AGBL1: variants seen among roughly 807,000 people sequenced by gnomAD.
AGBL1 encodes AGBL carboxypeptidase 1.
Under a neutral mutation model 118.9 loss-of-function variants are expected in AGBL1, and 130 were observed. That is an observed-to-expected ratio of 1.09 (90% CI 0.95 to 1.26). The LOEUF is 1.26. AGBL1 is among the 50% of genes most tolerant of loss of function. AGBL1 has a pLI of 0.00. For synonymous variants in AGBL1, 555 were observed against 478.9 expected (o/e 1.16, Z -2.08); for missense variants, 1,584 against 1,298.1 (o/e 1.22, Z -3.38).
chr15:86,530,054 C>T (rs961520402), intron 19 of AGBL1, among the ~76,000 whole-genome samples: 21 of 127,910 alleles, frequency 1.6e-4, no homozygotes, highest in South Asian at 7.7e-4. Context: ...CATCAACTAA[C>T]GAGCAAAATC....
intron 22 of AGBL1, among the ~76,000 whole-genome samples, chr15:86,807,505 C>A (rs1309774008): frequency 6.6e-6 from 1 of 151,734 alleles, no homozygotes; most frequent in African/African-American, 2.4e-5. Flanking sequence ...TGTCATTGTT[C>A]TGTTTCTTAG....
chr15:86,633,499 T>C (rs1436248047), intron 21 of AGBL1, among the ~76,000 whole-genome samples: 2 of 152,140 alleles, frequency 1.3e-5, no homozygotes, highest in Non-Finnish European at 2.9e-5. Flanking sequence ...GCTACATATA[T>C]AGTGAACTCT....
At chr15:86,854,798 G>C (rs2079455003) in intron 22 of AGBL1, among the ~76,000 whole-genome samples, 1 of 152,110 alleles carries the variant, frequency 6.6e-6, no homozygotes, top group Non-Finnish European at 1.5e-5. Flanking sequence ...CTCCTGTATA[G>C]AAATTCTCAG....
intron 22 of AGBL1, among the ~76,000 whole-genome samples, chr15:86,796,650 A>G (rs749894918): frequency 6.6e-6 from 1 of 152,214 alleles, no homozygotes; most frequent in African/African-American, 2.4e-5. Context: ...TCAGCAAACT[A>G]TGGCACAGGA....
At chr15:86,665,901 A>T (rs1408677613) in intron 21 of AGBL1, among the ~76,000 whole-genome samples, 14 of 151,948 alleles carry the variant, frequency 9.2e-5, no homozygotes. Context: ...TTACCCCAAG[A>T]TTTTTGTGCT....
At chr15:86,784,012 G>C (rs186397670) in intron 22 of AGBL1, among the ~76,000 whole-genome samples, 1 of 152,276 alleles carries the variant, frequency 6.6e-6, no homozygotes, top group Admixed American at 6.5e-5. Flanking sequence ...TGGATTTTGA[G>C]GTCAGAGTGA....
At chr15:86,296,327 T>A (rs373345765) in intron 17 of AGBL1, 83 of 152,334 alleles carry the variant, frequency 5.4e-4, no homozygotes, top group African/African-American at 1.9e-3. Flanking sequence ...CAGCTTAATT[T>A]ATCCCCAGAA....
intron 22 of AGBL1, among the ~76,000 whole-genome samples, chr15:86,769,832 G>C (rs1372372428): frequency 6.6e-6 from 1 of 151,856 alleles, no homozygotes; most frequent in Non-Finnish European, 1.5e-5. Flanking sequence ...TCATCTCATT[G>C]CCTCCCTTTT....
chr15:86,882,904 TCTTACA>T (rs1193308595), intron 22 of AGBL1, among the ~76,000 whole-genome samples: 1 of 152,242 alleles, frequency 6.6e-6, no homozygotes, highest in Non-Finnish European at 1.5e-5. Context: ...ACTAGAATTT[TCTTACA>T]CTTACATAAG....
chr15:86,188,026 A>C (rs1392610680), intron 5 of AGBL1, among the ~76,000 whole-genome samples: 1 of 152,244 alleles, frequency 6.6e-6, no homozygotes, highest in African/African-American at 2.4e-5. Flanking sequence ...AAGATAATTT[A>C]AAGTTTTTTC....
chr15:86,776,455 G>A (rs1184812314), intron 22 of AGBL1, among the ~76,000 whole-genome samples: 1 of 151,986 alleles, frequency 6.6e-6, no homozygotes, highest in Non-Finnish European at 1.5e-5. Context: ...CTTCCACTGT[G>A]AGTCACTTAT....
At chr15:86,530,728 A>G (rs1417712259) in intron 19 of AGBL1, among the ~76,000 whole-genome samples, 2 of 149,228 alleles carry the variant, frequency 1.3e-5, no homozygotes, top group Admixed American at 1.3e-4. Flanking sequence ...TCCTCAGCAA[A>G]TGTAAAAGAA....
At chr15:86,906,291 T>G (rs1180667052) in intron 22 of AGBL1, among the ~76,000 whole-genome samples, 1 of 152,194 alleles carries the variant, frequency 6.6e-6, no homozygotes, top group Non-Finnish European at 1.5e-5. Context: ...GGGAGGAAAC[T>G]CCCCCTGCTC....
At chr15:86,576,610 C>A (rs142321116) in intron 21 of AGBL1, among the ~76,000 whole-genome samples, 105 of 152,268 alleles carry the variant, frequency 6.9e-4, no homozygotes, top group Admixed American at 5.4e-3. Context: ...TTAGGCTGCA[C>A]TTGAAATACC....
chr15:86,749,634 A>G (rs1183559285), intron 22 of AGBL1, among the ~76,000 whole-genome samples: 1 of 152,178 alleles, frequency 6.6e-6, no homozygotes, highest in African/African-American at 2.4e-5. Flanking sequence ...TCAGTTTGAT[A>G]TTGGCTGTGG....
chr15:86,344,057 A>T (rs1051156332), intron 17 of AGBL1, among the ~76,000 whole-genome samples: 20 of 152,240 alleles, frequency 1.3e-4, no homozygotes, highest in Non-Finnish European at 2.4e-4. Flanking sequence ...GCTGTGGGAC[A>T]CATTTGGAAA....
intron 23 of AGBL1, among the ~76,000 whole-genome samples, chr15:86,959,219 A>G (rs1030403867): frequency 6.6e-6 from 1 of 152,096 alleles, no homozygotes; most frequent in East Asian, 1.9e-4. Context: ...CTCTGTTTTT[A>G]TATGTGGAAG....
Position 86,498,621 on chromosome 15 carries a change from C to T in AGBL1, c.2556-24189C>T, listed in dbSNP as rs543184557. Among the ~76,000 whole-genome samples, 16 of 151,876 alleles carry T rather than the reference C, an allele frequency of 1.1e-4. No individual in the cohort carries two copies. The East Asian group carries it at 1.2e-3, about 11-fold the overall frequency. ...AATATTACTTGGTATGTGTATAATCCTTTTATTGTTTAAGATATTTCTATA... is the reference window on the plus strand; with the variant it reads ...AATATTACTTGGTATGTGTATAATCTTTTTATTGTTTAAGATATTTCTATA... On this transcript the variant is annotated intron_variant, in intron 18 of 22. Coordinates refer to ENST00000614907, the MANE Select transcript of AGBL1 (RefSeq NM_001386094.1).
intron 17 of AGBL1, among the ~76,000 whole-genome samples, chr15:86,346,797 C>T (rs1567210437): frequency 6.6e-6 from 1 of 152,146 alleles, no homozygotes. Flanking sequence ...GCTTAACATC[C>T]ACAGGAAGAA....
Sources: gnomAD v4.1 joint callset for allele counts (sites outside exome capture counted in the v4.1 genomes callset) on GRCh38, gnomAD v4.1.1 for gene constraint, MANE v1.5 for transcripts, NCBI Gene and HGNC (gene_info 2026-07-23, HGNC 2026-07-21) for gene names.